RGS17: variants seen among roughly 807,000 people sequenced by gnomAD.
RGS17 encodes the protein regulator of G protein signaling 17.
Under a neutral mutation model 25.5 loss-of-function variants are expected in RGS17, and 12 were observed. The observed-to-expected ratio is 0.47, with a 90% CI of 0.30 to 0.76. The LOEUF (loss-of-function observed/expected upper bound fraction) is 0.76, where lower values mean the gene tolerates loss of function less well. Among genes scored for constraint, RGS17 ranks in the 30% least tolerant of loss-of-function variants. RGS17 has a pLI of 0.07. For missense variants in RGS17, 196 were observed against 242.2 expected (o/e 0.81, Z 1.27); for synonymous variants, 71 against 76.9 (o/e 0.92, Z 0.40).
At chr6:153,124,899 A>T (rs1244089509) in intron 1 of RGS17, among the ~76,000 whole-genome samples, 1 of 152,192 alleles carries the variant, frequency 6.6e-6, no homozygotes, top group Non-Finnish European at 1.5e-5. Flanking sequence ...CAAGAGCCAA[A>T]ACTGACTCAT....
intron 1 of RGS17, among the ~76,000 whole-genome samples, chr6:153,048,262 A>T (rs1776410183): frequency 6.6e-6 from 1 of 152,132 alleles, no homozygotes; most frequent in Non-Finnish European, 1.5e-5. Context: ...CTCATTTTTC[A>T]CACCAAAAAA....
intron 1 of RGS17, among the ~76,000 whole-genome samples, chr6:153,090,760 A>G (rs1242801937): frequency 6.6e-6 from 1 of 152,216 alleles, no homozygotes; most frequent in Non-Finnish European, 1.5e-5. Context: ...CAGCGTGTCC[A>G]TGCTGTATAT....
chr6:153,129,631 AG>A (rs1457716143), intron 1 of RGS17, among the ~76,000 whole-genome samples: 1 of 152,078 alleles, frequency 6.6e-6, no homozygotes, highest in East Asian at 1.9e-4. Context: ...ACCCAGCCTC[AG>A]AACTGCTTAT....
chr6:153,022,011 C>G (rs1166373770), intron 4 of RGS17, among the ~76,000 whole-genome samples: 1 of 152,114 alleles, frequency 6.6e-6, no homozygotes, highest in Non-Finnish European at 1.5e-5. Flanking sequence ...ACTTCGAGGG[C>G]AGCCTGGCCA....
intron 4 of RGS17, among the ~76,000 whole-genome samples, chr6:153,014,502 G>C (rs1291475561): frequency 6.6e-6 from 1 of 152,054 alleles, no homozygotes; most frequent in East Asian, 1.9e-4. Flanking sequence ...TATTATTTAA[G>C]AAATACATTT....
chr6:153,078,066 G>C (rs936542404), intron 1 of RGS17, among the ~76,000 whole-genome samples: 1 of 152,072 alleles, frequency 6.6e-6, no homozygotes, highest in African/African-American at 2.4e-5. Flanking sequence ...TGGAGAAGGC[G>C]ATTCACAATG....
chr6:153,022,041 C>G (rs1779252520), intron 4 of RGS17, among the ~76,000 whole-genome samples: 1 of 152,074 alleles, frequency 6.6e-6, no homozygotes, highest in South Asian at 2.1e-4. Flanking sequence ...AACCCTGTCA[C>G]CACTAAAAAT....
chr6:153,007,747 A>G lies in RGS17; in HGVS notation c.*3827T>C, dbSNP rs1025488660. On this transcript the variant is annotated 3_prime_UTR_variant, in exon 5 of 5. Coordinates refer to ENST00000206262, the MANE Select transcript of RGS17 (RefSeq NM_012419.5). Reference sequence around the variant, plus strand: ...GCCGGGATTAAAGGCACCCACCACCATGCCCGGCTAATTTTGTATTTTTAC... The same window carrying G: ...GCCGGGATTAAAGGCACCCACCACCGTGCCCGGCTAATTTTGTATTTTTAC... 1.8e-4 allele frequency: 28 copies of G among 152,160 alleles called. No individual in the cohort carries two copies. The highest frequency in any genetic ancestry group is 6.7e-4 in the African/African-American group (28 of 41,484). 9.4% of individuals were successfully genotyped at this position (152,160 alleles called of 1,614,324 possible). A position where few individuals can be genotyped will look rare whatever the true frequency, so the allele number is the denominator to read the frequency against.
At chr6:153,042,517 T>G (rs1776335369) in intron 2 of RGS17, among the ~76,000 whole-genome samples, 1 of 152,210 alleles carries the variant, frequency 6.6e-6, no homozygotes, top group African/African-American at 2.4e-5. Context: ...TCTGCCATGA[T>G]TGTGAGGCCT....
At chr6:153,080,961 T>C (rs1032043650) in intron 1 of RGS17, among the ~76,000 whole-genome samples, 159 of 152,200 alleles carry the variant, frequency 1.0e-3, no homozygotes, top group African/African-American at 3.6e-3. Context: ...ATATACTGTG[T>C]ATATTTAAAA....
chr6:153,015,219 GAAATGACAACA>G (rs1216874858), intron 4 of RGS17, among the ~76,000 whole-genome samples: 1 of 152,218 alleles, frequency 6.6e-6, no homozygotes, highest in African/African-American at 2.4e-5. Context: ...GAACATTGTT[GAAATGACAACA>G]AAGGATTTAG....
chr6:153,091,666 C>T (rs1299946627), intron 1 of RGS17, among the ~76,000 whole-genome samples: 3 of 152,062 alleles, frequency 2.0e-5, no homozygotes, highest in African/African-American at 7.2e-5. Flanking sequence ...ATGTGTGCCA[C>T]TACACATGGC....
chr6:153,095,091 G>A (rs1339788308), intron 1 of RGS17, among the ~76,000 whole-genome samples: 1 of 152,102 alleles, frequency 6.6e-6, no homozygotes, highest in East Asian at 1.9e-4. Flanking sequence ...ATTTCTGAAA[G>A]AGTCATGTTT....
At chr6:153,083,989 T>C (rs1241025108) in intron 1 of RGS17, among the ~76,000 whole-genome samples, 3 of 152,208 alleles carry the variant, frequency 2.0e-5, no homozygotes, top group African/African-American at 7.2e-5. Context: ...ATGCATAACA[T>C]TCAGGTGTGA....
chr6:153,054,608 G>A (rs1047792153), intron 1 of RGS17, among the ~76,000 whole-genome samples: 11 of 151,488 alleles, frequency 7.3e-5, no homozygotes, highest in South Asian at 2.1e-4. Flanking sequence ...CCGAGATCGC[G>A]CCACTGCACT....
At chr6:153,106,316 A>T (rs1777383266) in intron 1 of RGS17, among the ~76,000 whole-genome samples, 1 of 152,018 alleles carries the variant, frequency 6.6e-6, no homozygotes, top group African/African-American at 2.4e-5. Flanking sequence ...TAGACCTTAA[A>T]GGATGGTTGG....
chr6:153,042,852 C>T (rs1245968155), intron 2 of RGS17, among the ~76,000 whole-genome samples: 3 of 152,210 alleles, frequency 2.0e-5, no homozygotes, highest in East Asian at 1.9e-4. Context: ...AAAAAGAAAC[C>T]TCAATATATG....
In RGS17 at chr6:153,128,574, T is replaced by G. The variant is rs193263644; in HGVS notation, c.-26+2550A>C. Among the ~76,000 whole-genome samples the G allele has an allele frequency of 1.2e-4, 19 of 152,374 alleles. No individual in the cohort carries two copies. The East Asian group carries it at 3.7e-3, about 29-fold the overall frequency. On this transcript the variant is annotated intron_variant, in intron 1 of 4. Transcript: ENST00000206262. ...TTACTCTGCAAGTCAACCAGAATTTTGATCAATTCAGATTTAAAATTTTCA... is the reference window on the plus strand; with the variant it reads ...TTACTCTGCAAGTCAACCAGAATTTGGATCAATTCAGATTTAAAATTTTCA...
At chr6:153,116,629 G>T (rs1777550913) in intron 1 of RGS17, among the ~76,000 whole-genome samples, 1 of 152,180 alleles carries the variant, frequency 6.6e-6, no homozygotes. Flanking sequence ...GCACATGTAT[G>T]TTTACTGCAG....
Sources: allele counts gnomAD v4.1 joint callset (sites outside exome capture counted in the v4.1 genomes callset), GRCh38; gene constraint gnomAD v4.1.1; transcripts MANE v1.5; gene names NCBI Gene and HGNC (gene_info 2026-07-23, HGNC 2026-07-21).